The following SHISA6 variants were observed in gnomAD, a reference collection of about 807,000 sequenced individuals.
The protein encoded by SHISA6 is protein shisa-6.
Under a neutral mutation model 47.9 loss-of-function variants are expected in SHISA6, and 22 were observed. That is an observed-to-expected ratio of 0.46 (90% CI 0.33 to 0.66). SHISA6 has a LOEUF of 0.66. Among genes scored for constraint, SHISA6 ranks in the 30% least tolerant of loss-of-function variants. The pLI is 0.02. For synonymous variants in SHISA6, 388 were observed against 337.8 expected (o/e 1.15, Z -1.63); for missense variants, 680 against 764.6 (o/e 0.89, Z 1.30).
intron 2 of SHISA6, among the ~76,000 whole-genome samples, chr17:11,356,443 A>G (rs2142225307): frequency 6.6e-6 from 1 of 152,288 alleles, no homozygotes; most frequent in East Asian, 1.9e-4. Context: ...TCACAGCAAA[A>G]TAGTTCCCTC....
At chr17:11,363,875 G>A (rs1213990861) in intron 2 of SHISA6, among the ~76,000 whole-genome samples, 1 of 152,086 alleles carries the variant, frequency 6.6e-6, no homozygotes, top group African/African-American at 2.4e-5. Flanking sequence ...CCCTTAATTT[G>A]CATGTAATTA....
intron 2 of SHISA6, among the ~76,000 whole-genome samples, chr17:11,314,747 C>G (rs994602782): frequency 3.3e-5 from 5 of 151,944 alleles, no homozygotes; most frequent in African/African-American, 1.2e-4. Context: ...ACCATATTGG[C>G]CAGGCTGGTC....
At chr17:11,282,567 G>A (rs1016998074) in intron 2 of SHISA6, among the ~76,000 whole-genome samples, 3 of 152,150 alleles carry the variant, frequency 2.0e-5, no homozygotes, top group Admixed American at 6.5e-5. Flanking sequence ...CCTGCCGACA[G>A]GCCCCAGTGT....
intron 2 of SHISA6, among the ~76,000 whole-genome samples, chr17:11,349,407 A>C (rs1179858250): frequency 6.6e-6 from 1 of 152,202 alleles, no homozygotes; most frequent in Non-Finnish European, 1.5e-5. Flanking sequence ...GAGTAAATAC[A>C]TCAGCCTAGG....
chr17:11,335,036 CA>C (rs780473463), intron 2 of SHISA6, among the ~76,000 whole-genome samples: 2 of 152,132 alleles, frequency 1.3e-5, no homozygotes, highest in Non-Finnish European at 2.9e-5. Context: ...TGGCTATTGA[CA>C]GGTGGCACTT....
chr17:11,545,467 A>C (rs2071875551), intron 3 of SHISA6, among the ~76,000 whole-genome samples: 1 of 152,214 alleles, frequency 6.6e-6, no homozygotes, highest in East Asian at 1.9e-4. Context: ...TGTTCTGTAC[A>C]TTGACTGTGT....
intron 3 of SHISA6, among the ~76,000 whole-genome samples, chr17:11,495,352 G>A (rs1490003552): frequency 6.6e-6 from 1 of 152,122 alleles, no homozygotes; most frequent in Non-Finnish European, 1.5e-5. Context: ...AGCTGCATTT[G>A]TGGGCTGTGT....
intron 2 of SHISA6, among the ~76,000 whole-genome samples, chr17:11,313,188 G>A (rs4791462): frequency 0.74 from 113,106 of 152,136 alleles, 42,218 homozygotes; most frequent in Middle Eastern, 0.78. Context: ...GCAGTATCTG[G>A]TAGTGCACCT....
intron 3 of SHISA6, among the ~76,000 whole-genome samples, chr17:11,412,254 T>C (rs1311193363): frequency 6.6e-6 from 1 of 152,168 alleles, no homozygotes; most frequent in Non-Finnish European, 1.5e-5. Context: ...GTGAGAACTA[T>C]ATGGCAGTAT....
intron 3 of SHISA6, among the ~76,000 whole-genome samples, chr17:11,385,842 GA>G (rs1913173927): frequency 1.3e-5 from 2 of 151,830 alleles, no homozygotes; most frequent in East Asian, 1.9e-4. Flanking sequence ...AAATAGAGTG[GA>G]AAAAAATAAA....
Position 11,277,289 on chromosome 17 carries a change from C to CACAT in SHISA6, c.799+13766_799+13767insTACA, listed in dbSNP as rs1185866590. 1.9e-4 allele frequency among the ~76,000 whole-genome samples: 25 copies of CACAT among 130,604 alleles called. 1 individual carries two copies. The highest frequency in any genetic ancestry group is 1.8e-3 in the Admixed American group (25 of 13,888). The allele number at this position is 130,604 out of a possible 152,430, so 85.7% of individuals were successfully genotyped here. A position where few individuals can be genotyped will look rare whatever the true frequency, so the allele number is the denominator to read the frequency against. On this transcript the variant is annotated intron_variant, in intron 2 of 5. Transcript: ENST00000441885. Reference sequence around the variant, plus strand: ...TCTCTCTCTCTCTCTCTCACACACACACACACACACACACACACACACACA... The same window carrying CACAT: ...TCTCTCTCTCTCTCTCTCACACACACACATACACACACACACACACACACACACA...
chr17:11,242,444 T>A (rs904376811), intron 1 of SHISA6, among the ~76,000 whole-genome samples: 1 of 152,208 alleles, frequency 6.6e-6, no homozygotes, highest in Admixed American at 6.5e-5. Context: ...CAGAGTGTCA[T>A]CTTCAATATA....
rs377499688 is a variant in SHISA6, at chr17:11,557,816, G to A, written c.1168G>A (p.Gly390Ser). 261 of 1,551,228 alleles carry A rather than the reference G, an allele frequency of 1.7e-4. No homozygotes were observed. Among genetic ancestry groups the A allele is most frequent in the Middle Eastern group, 3.3e-4 (2 of 6,014 alleles). The change falls in exon 6 of 6, where the codon GGC (glycine) becomes AGC (serine). Residue 390 changes from glycine (G) to serine (S), a missense_variant. Gly to Ser is a moderately conservative substitution (Grantham distance 56). Coordinates refer to ENST00000441885, the MANE Select transcript of SHISA6 (RefSeq NM_207386.4). ...RRHLPDLAAR[G>S]TLPLNVIQMS... ...GCACCTGCCCGACCTGGCTGCCCGCGGCACCCTCCCCCTCAATGTCATCCA... is the reference window on the plus strand; with the variant it reads ...GCACCTGCCCGACCTGGCTGCCCGCAGCACCCTCCCCCTCAATGTCATCCA...
At chr17:11,383,354 T>C (rs1453647626) in intron 3 of SHISA6, among the ~76,000 whole-genome samples, 2 of 152,174 alleles carry the variant, frequency 1.3e-5, no homozygotes, top group African/African-American at 4.8e-5. Context: ...TGGATCTGTC[T>C]GCTTTGTAAC....
intron 3 of SHISA6, among the ~76,000 whole-genome samples, chr17:11,532,094 G>C (rs115221482): frequency 0.011 from 1,675 of 152,306 alleles, 46 homozygotes; most frequent in African/African-American, 0.038. Flanking sequence ...TAATGATGTA[G>C]AACAGAAAAT....
intron 3 of SHISA6, among the ~76,000 whole-genome samples, chr17:11,473,014 G>C (rs892866131): frequency 1.3e-5 from 2 of 152,098 alleles, no homozygotes; most frequent in Non-Finnish European, 2.9e-5. Context: ...TTGTTTTCTT[G>C]TTGTTGAGTT....
chr17:11,265,939 CCTCAAATTT>C (rs1446165939), intron 2 of SHISA6, among the ~76,000 whole-genome samples: 1 of 152,172 alleles, frequency 6.6e-6, no homozygotes, highest in Non-Finnish European at 1.5e-5. Context: ...AAGAAATTCT[CCTCAAATTT>C]CTCAAATTGG....
chr17:11,545,906 AAAG>A (rs1381873923), intron 3 of SHISA6, among the ~76,000 whole-genome samples: 4 of 152,342 alleles, frequency 2.6e-5, no homozygotes, highest in African/African-American at 7.2e-5. Context: ...GAGCCAGGTG[AAAG>A]TCGTAACACT....
intron 2 of SHISA6, among the ~76,000 whole-genome samples, chr17:11,343,013 A>G (rs1911590012): frequency 6.6e-6 from 1 of 152,216 alleles, no homozygotes; most frequent in Non-Finnish European, 1.5e-5. Flanking sequence ...TGCGGCAGAA[A>G]GTGGAAACAC....
Sources: allele counts gnomAD v4.1 joint callset (sites outside exome capture counted in the v4.1 genomes callset), GRCh38; gene constraint gnomAD v4.1.1; transcripts MANE v1.5; gene names NCBI Gene and HGNC (gene_info 2026-07-23, HGNC 2026-07-21).